CCDC158: variants seen among roughly 807,000 people sequenced by gnomAD.
CCDC158 encodes coiled-coil domain containing 158, also known as coiled-coil domain-containing protein 158.
Under a neutral mutation model 138.6 loss-of-function variants are expected in CCDC158, and 116 were observed. The observed-to-expected ratio is 0.84, with a 90% confidence interval of 0.72 to 0.98. CCDC158 has a LOEUF of 0.98. Ranked by LOEUF, CCDC158 falls within the 50% of genes least tolerant of loss-of-function variation. The probability of loss-of-function intolerance (pLI) is 0.00; values close to 1 mark genes in which losing one functional copy is unlikely to be tolerated. For missense variants in CCDC158, 1,265 were observed against 1,306.1 expected (o/e 0.97, Z 0.48); for synonymous variants, 436 against 442.4 (o/e 0.99, Z 0.18).
At chr4:76,338,493 CAGAG>C (rs1226640503) in intron 18 of CCDC158, among the ~76,000 whole-genome samples, 2 of 152,096 alleles carry the variant, frequency 1.3e-5, no homozygotes, top group Non-Finnish European at 2.9e-5. Flanking sequence ...GCCTGAGCAA[CAGAG>C]AGAGACTCCG....
At chr4:76,346,695 C>T (rs1722581627) in intron 18 of CCDC158, among the ~76,000 whole-genome samples, 1 of 152,026 alleles carries the variant, frequency 6.6e-6, no homozygotes, top group African/African-American at 2.4e-5. Flanking sequence ...GGTGACAGAA[C>T]AAGACTCCGT....
chr4:76,409,704 G>A (rs916177482), intron 2 of CCDC158, among the ~76,000 whole-genome samples: 5 of 152,112 alleles, frequency 3.3e-5, no homozygotes, highest in East Asian at 1.9e-4. Flanking sequence ...GGTGGCGGGC[G>A]CCTGTATTCC....
chr4:76,418,818 C>A (rs1211902699), intron 1 of CCDC158, among the ~76,000 whole-genome samples: 1 of 152,144 alleles, frequency 6.6e-6, no homozygotes, highest in Non-Finnish European at 1.5e-5. Context: ...TACAGCCAAA[C>A]CATATCAAGG....
chr4:76,379,811 C>T (rs950715014), intron 8 of CCDC158, among the ~76,000 whole-genome samples: 12 of 151,874 alleles, frequency 7.9e-5, no homozygotes, highest in African/African-American at 1.2e-4. Context: ...ACCCAAATCT[C>T]ATGTCAAATT....
chr4:76,313,166 C>T lies in CCDC158; in HGVS notation c.*4G>A, dbSNP rs748523778. The T allele has an allele frequency of 2.8e-5, 45 of 1,587,720 alleles. No individual in the cohort carries two copies. The highest frequency in any genetic ancestry group is 3.4e-5 in the South Asian group (3 of 88,474). ...TCCTCTGTAAAGAATAGGCAAGCAA[C>T]GAGTCATTTTAGTAACATTTTTTCC... On this transcript the variant is annotated 3_prime_UTR_variant, in exon 25 of 25. Coordinates refer to ENST00000682701, the MANE Select transcript of CCDC158 (RefSeq NM_001394954.1).
At position 76,346,120 on chromosome 4, in the gene CCDC158, A is replaced by T. The variant is rs533681608; in HGVS notation, c.2664+4876T>A. On this transcript the variant is annotated intron_variant, in intron 18 of 24. Transcript: ENST00000682701. ...AACCATCTGATCTTTGACAAACCCA[A>T]CAAAAACAAGAAATGGGGAAAGGAT... Among the ~76,000 whole-genome samples, 6 of 152,340 alleles carry T rather than the reference A, an allele frequency of 3.9e-5. No individual in the cohort carries two copies. The East Asian group carries it at 9.6e-4, about 24-fold the overall frequency.
rs770150629 is a variant in CCDC158, at chr4:76,367,441, G to T, written c.1683C>A (p.Asp561Glu). 4.0e-5 allele frequency: 64 copies of T among 1,614,078 alleles called. No homozygotes were observed. Among genetic ancestry groups the T allele is most frequent in the Non-Finnish European group, 5.0e-5 (59 of 1,180,054 alleles). Residue 561 changes from aspartate to glutamate, a missense_variant, in exon 12 of 25, where the codon GAC becomes GAA. Coordinates refer to ENST00000682701, the MANE Select transcript of CCDC158 (RefSeq NM_001394954.1). ...EALKLQMTEK[D>E]KVIEILRQQI... ...GCTGTCGCAGAATCTCGATCACCTT[G>T]TCCTTCTCTGTCATCTGCAGTTTGA...
intron 9 of CCDC158, among the ~76,000 whole-genome samples, chr4:76,378,139 A>T (rs1173471505): frequency 2.6e-5 from 4 of 152,140 alleles, no homozygotes; most frequent in African/African-American, 9.7e-5. Context: ...AGCTTTGATA[A>T]ATGTTGAGGT....
chr4:76,329,542 C>G (rs1720837082), intron 21 of CCDC158, among the ~76,000 whole-genome samples: 1 of 152,120 alleles, frequency 6.6e-6, no homozygotes, highest in African/African-American at 2.4e-5. Flanking sequence ...CGAGATCACG[C>G]CATTGCACTC....
At chr4:76,364,017 A>G (rs550703942) in intron 12 of CCDC158, among the ~76,000 whole-genome samples, 1 of 151,832 alleles carries the variant, frequency 6.6e-6, no homozygotes, top group African/African-American at 2.4e-5. Flanking sequence ...GAATATGGCA[A>G]CTCTAATTCG....
At chr4:76,415,684 A>C (rs1430552644) in intron 1 of CCDC158, among the ~76,000 whole-genome samples, 3 of 152,182 alleles carry the variant, frequency 2.0e-5, no homozygotes, top group Admixed American at 1.3e-4. Context: ...CCATACAGAG[A>C]TAGGAGCTGA....
At position 76,341,485 on chromosome 4, in the gene CCDC158, A is replaced by G. The variant is rs191940238; in HGVS notation, c.2665-7318T>C. 2.7e-3 allele frequency among the ~76,000 whole-genome samples: 417 copies of G among 152,348 alleles called. 2 individuals carry two copies. The highest frequency in any genetic ancestry group is 9.1e-3 in the African/African-American group (379 of 41,586). On this transcript the variant is annotated intron_variant, in intron 18 of 24. Coordinates refer to ENST00000682701, the MANE Select transcript of CCDC158 (RefSeq NM_001394954.1). ...GGAAACAGGAAAAAAGTTACGAAGCATTGCTAAAAATCTTGCCCACATCAT... is the reference window on the plus strand; with the variant it reads ...GGAAACAGGAAAAAAGTTACGAAGCGTTGCTAAAAATCTTGCCCACATCAT...
chr4:76,380,387 C>T (rs889652354), intron 8 of CCDC158, among the ~76,000 whole-genome samples: 1 of 152,166 alleles, frequency 6.6e-6, no homozygotes, highest in South Asian at 2.1e-4. Flanking sequence ...GAGTAAAGAT[C>T]ACTCTCACTA....
In CCDC158 at chr4:76,379,268, G is replaced by A. The variant is rs144821769; in HGVS notation, c.1029+22C>T. The A allele has an allele frequency of 2.7e-5, 39 of 1,440,034 alleles. 1 individual carries two copies. The highest frequency in any genetic ancestry group is 1.8e-4 in the Middle Eastern group (1 of 5,682). 89.2% of individuals were successfully genotyped at this position (1,440,034 alleles called of 1,614,324 possible). On this transcript the variant is annotated intron_variant, in intron 9 of 24. Transcript: ENST00000682701. ...CTGGATATTAAAGTCTCTAGAAACAGACCAGCAAAACCTAAACTCACCTTG... is the reference window on the plus strand; with the variant it reads ...CTGGATATTAAAGTCTCTAGAAACAAACCAGCAAAACCTAAACTCACCTTG...
chr4:76,335,183 A>T (rs1352801467), intron 18 of CCDC158, among the ~76,000 whole-genome samples: 4 of 152,314 alleles, frequency 2.6e-5, no homozygotes, highest in Middle Eastern at 3.4e-3. Flanking sequence ...AAATATAAGG[A>T]TGTGAATCAC....
chr4:76,327,464 A>G (rs1030449788), intron 22 of CCDC158, among the ~76,000 whole-genome samples: 5 of 152,224 alleles, frequency 3.3e-5, no homozygotes. Context: ...TATATGGTAT[A>G]GCTTATTGCT....
chr4:76,341,855 C>T (rs928155465), intron 18 of CCDC158, among the ~76,000 whole-genome samples: 3 of 152,142 alleles, frequency 2.0e-5, no homozygotes, highest in African/African-American at 7.2e-5. Flanking sequence ...TTTCAACTGC[C>T]TTTGAATCTT....
chr4:76,338,195 G>T (rs1721716389), intron 18 of CCDC158, among the ~76,000 whole-genome samples: 1 of 152,170 alleles, frequency 6.6e-6, no homozygotes, highest in African/African-American at 2.4e-5. Flanking sequence ...GCTAGTGCTG[G>T]GGAGTGGCTG....
chr4:76,358,897 G>C (rs1723842037), intron 13 of CCDC158, among the ~76,000 whole-genome samples: 1 of 152,162 alleles, frequency 6.6e-6, no homozygotes, highest in African/African-American at 2.4e-5. Flanking sequence ...TGAAGTACAT[G>C]ATACTTCATA....
Sources: allele counts gnomAD v4.1 joint callset (sites outside exome capture counted in the v4.1 genomes callset), GRCh38; gene constraint gnomAD v4.1.1; transcripts MANE v1.5; gene names NCBI Gene and HGNC (gene_info 2026-07-23, HGNC 2026-07-21).